The following HSPA9 variants were observed in gnomAD, a reference collection of about 807,000 sequenced individuals.
HSPA9 encodes the protein heat shock protein family A (Hsp70) member 9.
Under a neutral mutation model 81.5 loss-of-function variants are expected in HSPA9, and 28 were observed. The observed-to-expected ratio is 0.34, with a 90% confidence interval of 0.25 to 0.47. The LOEUF is 0.47. HSPA9 is among the 20% of genes least tolerant of loss of function. The pLI is 1.00. For synonymous variants in HSPA9, 293 were observed against 290.4 expected (o/e 1.01, Z -0.09); for missense variants, 678 against 838.0 (o/e 0.81, Z 2.36).
intron 16 of HSPA9, 47 bp downstream of exon 16, chr5:138,556,405 T>A: frequency 6.2e-7 from 1 of 1,603,436 alleles, no homozygotes; most frequent in Non-Finnish European, 8.5e-7. Flanking sequence ...TCAAGAACAG[T>A]TCCATCCAGA....
intron 1 of HSPA9, 56 bp from the exon 2 acceptor site, chr5:138,574,182 A>T: frequency 3.1e-6 from 4 of 1,293,956 alleles, no homozygotes; most frequent in Non-Finnish European, 3.4e-6. Flanking sequence ...GGGAGGAAAA[A>T]GAGAAAACTT....
chr5:138,559,834 TGTGACAAGGTAGGAA>T lies in HSPA9; in HGVS notation c.1410+15_1410+29del. ...CATCCGTCATAGAACCTAAAACCCA[TGTGACAAGGTAGGAA>T]GTGATGGCTCTTACCTGGCTCTTCT... is the stretch of plus-strand genomic sequence containing the variant. On this transcript the variant is annotated intron_variant, in intron 11 of 16. Coordinates refer to ENST00000297185, the MANE Select transcript of HSPA9 (RefSeq NM_004134.7). 1 of 1,433,784 alleles carries T rather than the reference TGTGACAAGGTAGGAA, an allele frequency of 7.0e-7. No homozygotes were observed. Among genetic ancestry groups the T allele is most frequent in the South Asian group, 1.1e-5 (1 of 87,224 alleles). The allele number at this position is 1,433,784 out of a possible 1,614,324, so 88.8% of individuals were successfully genotyped here. A position where few individuals can be genotyped will look rare whatever the true frequency, so the allele number is the denominator to read the frequency against.
Position 138,567,522 on chromosome 5 carries a change from G to A in HSPA9, c.649C>T (p.Leu217Phe), listed in dbSNP as rs1428928051. 1 of 1,614,116 alleles carries A rather than the reference G, an allele frequency of 6.2e-7. No individual in the cohort carries two copies. Among genetic ancestry groups the A allele is most frequent in the East Asian group, 2.2e-5 (1 of 44,884 alleles). ...GCTGTGGGCTCATTAATCACCCGAA[G>A]CACATTCAGTCCAGATATCTGGCCA... Reference protein sequence around the residue: ...DAGQISGLNVLRVINEPTAAA... With the variant: ...DAGQISGLNVFRVINEPTAAA... The change falls in exon 7 of 17, where the codon CTT (leucine) becomes TTT (phenylalanine). Residue 217 changes from leucine (L) to phenylalanine (F), a missense_variant. Leu to Phe is a conservative substitution (Grantham distance 22, BLOSUM62 0). Coordinates refer to ENST00000297185, the MANE Select transcript of HSPA9 (RefSeq NM_004134.7).
chr5:138,562,821 G>GT (rs761365372), intron 9 of HSPA9, among the ~76,000 whole-genome samples: 12 of 152,214 alleles, frequency 7.9e-5, no homozygotes, highest in Middle Eastern at 3.2e-3. Context: ...CCTGGGCTCT[G>GT]TAAGTTCCAG....
At position 138,567,658 on chromosome 5, in the gene HSPA9, C is replaced by T. The variant is rs762248139; in HGVS notation, c.600G>A (p.Ser200=). The change falls in exon 6 of 17, where the codon TCG becomes TCA. Residue 200 remains serine (S), a synonymous_variant. Coordinates refer to ENST00000297185, the MANE Select transcript of HSPA9 (RefSeq NM_004134.7). Reference sequence around the variant, plus strand: ...TGCTAATTGACCTCACCTGTCTCTGCGAGTCATTGAAATAAGCTGGGACTG... The same window carrying T: ...TGCTAATTGACCTCACCTGTCTCTGTGAGTCATTGAAATAAGCTGGGACTG... ...VITVPAYFND[S]QRQATKDAGQ... The T allele has an allele frequency of 1.2e-5, 20 of 1,613,484 alleles. 1 individual carries two copies. The highest frequency in any genetic ancestry group is 6.6e-5 in the South Asian group (6 of 91,076).
At chr5:138,568,432 G>A (rs1449684075) in intron 5 of HSPA9, among the ~76,000 whole-genome samples, 1 of 152,122 alleles carries the variant, frequency 6.6e-6, no homozygotes, top group Non-Finnish European at 1.5e-5. Context: ...GCTTGAACCC[G>A]GGAGGCGGAG....
In HSPA9 at chr5:138,556,489, T is replaced by C. The variant is rs773032631; in HGVS notation, c.1925A>G (p.Gln642Arg). 1.2e-6 allele frequency: 2 copies of C among 1,613,950 alleles called. No homozygotes were observed. The highest frequency in any genetic ancestry group is 3.3e-5 in the Admixed American group (2 of 60,004). Residue 642 changes from glutamine to arginine, a missense_variant, in exon 16 of 17, where the codon CAG (glutamine) becomes CGG (arginine). Gln to Arg is a conservative substitution (Grantham distance 43). Transcript: ENST00000297185. ...CATTTCGAACAGCTTCAGTGATGCC[T>C]GCTGAAGAGAGGATGCTGCCTGTCT... ...NIRQAASSLQ[Q>R]ASLKLFEMAY...
chr5:138,558,127 T>C, intron 12 of HSPA9, 141 bp from the exon 13 acceptor site: 1 of 711,522 alleles, frequency 1.4e-6, no homozygotes, highest in South Asian at 1.5e-5. Context: ...ACACAAAGTT[T>C]ATAAGCAACA....
In HSPA9 at chr5:138,556,119, T is replaced by A. The variant is rs769786937; in HGVS notation, c.1963-5A>T. On this transcript the variant is annotated splice_region_variant and splice_polypyrimidine_tract_variant and intron_variant, in intron 16 of 16. Transcript: ENST00000297185. ...GCCTTCTCGCTCAGATGCCATCTGT[T>A]AAGAAAACATTTGAGAGCCACTCAG... 5.6e-6 allele frequency: 9 copies of A among 1,611,948 alleles called. No homozygotes were observed. The East Asian group carries it at 2.0e-4, about 36-fold the overall frequency.
intron 9 of HSPA9, among the ~76,000 whole-genome samples, chr5:138,565,921 C>G (rs529337840): frequency 1.0e-3 from 157 of 152,290 alleles, no homozygotes; most frequent in African/African-American, 3.7e-3. Flanking sequence ...CTCAGTGGCT[C>G]ACGCCCATTA....
rs963545437 is a variant in HSPA9, at chr5:138,557,102, C to T, written c.1729-236G>A. The T allele has an allele frequency of 5.6e-5, 34 of 609,144 alleles. No homozygotes were observed. The Middle Eastern group carries it at 2.2e-3, about 39-fold the overall frequency. The allele number at this position is 609,144 out of a possible 1,614,324, so 37.7% of individuals were successfully genotyped here. A position where few individuals can be genotyped will look rare whatever the true frequency, so the allele number is the denominator to read the frequency against. The stretch of plus-strand genomic sequence containing the variant: ...GAAGAAATAATAAAGGCACTGCAAA[C>T]ATAAGGTATAAACAACGGGGAAGGA... On this transcript the variant is annotated intron_variant, in intron 14 of 16. Transcript: ENST00000297185.
chr5:138,575,387 G>T lies in HSPA9; in HGVS notation c.-69C>A, dbSNP rs749980303. On this transcript the variant is annotated 5_prime_UTR_variant, in exon 1 of 17. Coordinates refer to ENST00000297185, the MANE Select transcript of HSPA9 (RefSeq NM_004134.7). ...ACGGCAAAGAGCTGCGCGATGCGGTGGCGGCAGCGCTTCTGGAAACCTCCA... is the reference window on the plus strand; with the variant it reads ...ACGGCAAAGAGCTGCGCGATGCGGTTGCGGCAGCGCTTCTGGAAACCTCCA... The T allele has an allele frequency of 2.2e-6, 3 of 1,357,086 alleles. No homozygotes were observed. The highest frequency in any genetic ancestry group is 3.7e-5 in the Admixed American group (2 of 54,386). 84.1% of individuals were successfully genotyped at this position (1,357,086 alleles called of 1,614,324 possible).
intron 5 of HSPA9, among the ~76,000 whole-genome samples, chr5:138,568,140 G>T (rs560252773): frequency 6.6e-6 from 1 of 150,866 alleles, no homozygotes; most frequent in African/African-American, 2.4e-5. Flanking sequence ...AGACAAGATC[G>T]CACCACTGCA....
chr5:138,574,162 T>A (rs757375404), intron 1 of HSPA9, 36 bp from the exon 2 acceptor site: 4 of 1,503,946 alleles, frequency 2.7e-6, no homozygotes, highest in South Asian at 2.3e-5. Flanking sequence ...CACCAACCAG[T>A]GTGTATCCTG....
At chr5:138,567,910 C>T (rs561439015) in intron 5 of HSPA9, among the ~76,000 whole-genome samples, 188 bp from the exon 6 acceptor site, 1 of 152,282 alleles carries the variant, frequency 6.6e-6, no homozygotes, top group East Asian at 1.9e-4. Flanking sequence ...TCAGGCCGGG[C>T]ACGGTGGCTC....
rs1750515076 is a variant in HSPA9, at chr5:138,556,122, G to C, written c.1963-8C>G. The stretch of plus-strand genomic sequence containing the variant: ...TTCTCGCTCAGATGCCATCTGTTAA[G>C]AAAACATTTGAGAGCCACTCAGATT... On this transcript the variant is annotated splice_region_variant and splice_polypyrimidine_tract_variant and intron_variant, in intron 16 of 16. Transcript: ENST00000297185. 6 of 1,611,012 alleles carry C rather than the reference G, an allele frequency of 3.7e-6. No individual in the cohort carries two copies. The highest frequency in any genetic ancestry group is 5.1e-6 in the Non-Finnish European group (6 of 1,177,792).
intron 9 of HSPA9, among the ~76,000 whole-genome samples, chr5:138,564,416 G>A (rs1750720145): frequency 6.6e-6 from 1 of 152,258 alleles, no homozygotes; most frequent in African/African-American, 2.4e-5. Context: ...TTCTTAGATT[G>A]CTTTTAAGAG....
intron 1 of HSPA9, among the ~76,000 whole-genome samples, chr5:138,574,434 G>GT (rs1314781439): frequency 6.6e-6 from 1 of 152,172 alleles, no homozygotes; most frequent in African/African-American, 2.4e-5. Context: ...AAGCACCCCA[G>GT]TAAGTAAGTG....
rs1379543106 is a variant in HSPA9 at position 138,554,161 on chromosome 5, G to A, written c.*1876C>T. Among the ~76,000 whole-genome samples, 2 of 152,172 alleles carry A rather than the reference G, an allele frequency of 1.3e-5. No individual in the cohort carries two copies. The highest frequency in any genetic ancestry group is 4.8e-5 in the African/African-American group (2 of 41,440). On this transcript the variant is annotated 3_prime_UTR_variant, in exon 17 of 17. Transcript: ENST00000297185. The stretch of plus-strand genomic sequence containing the variant: ...TATGCTATTAGCTTTACTGATAGGT[G>A]ACTGAAATACTGTGTCCACCCATAC...
Sources: allele counts gnomAD v4.1 joint callset (sites outside exome capture counted in the v4.1 genomes callset), GRCh38; gene constraint gnomAD v4.1.1; transcripts MANE v1.5; gene names NCBI Gene and HGNC (gene_info 2026-07-23, HGNC 2026-07-21).